The following SLC24A2 variants were observed in gnomAD, a reference collection of about 807,000 sequenced individuals.
SLC24A2 encodes sodium/potassium/calcium exchanger 2.
A neutral mutation model predicts 62.0 loss-of-function variants in SLC24A2; 36 were observed. The observed-to-expected ratio is 0.58, with a 90% confidence interval of 0.44 to 0.77. The LOEUF is 0.77. SLC24A2 is among the 30% of genes least tolerant of loss of function. The pLI, the probability that SLC24A2 is intolerant of heterozygous loss-of-function variation, is 0.00. For synonymous variants in SLC24A2, 358 were observed against 294.0 expected (o/e 1.22, Z -2.23); for missense variants, 846 against 817.9 (o/e 1.03, Z -0.42).
At chr9:19,769,665 C>G (rs113141531) in intron 2 of SLC24A2, among the ~76,000 whole-genome samples, 40 of 152,322 alleles carry the variant, frequency 2.6e-4, no homozygotes, top group African/African-American at 7.9e-4. Flanking sequence ...ATCAGCAGGG[C>G]TGCATCCTAC....
the SLC24A2 span, among the ~76,000 whole-genome samples, chr9:20,006,994 A>G: frequency 1.3e-5 from 2 of 152,178 alleles, no homozygotes; most frequent in African/African-American, 4.8e-5. Flanking sequence ...TATTTTTACT[A>G]CATCACTGTT....
the SLC24A2 span, among the ~76,000 whole-genome samples, chr9:20,239,900 G>C: frequency 2.0e-5 from 3 of 149,020 alleles, no homozygotes; most frequent in Non-Finnish European, 4.4e-5. Flanking sequence ...TTGTCACGGA[G>C]TTGATTCGAA....
chr9:20,174,212 G>C, the SLC24A2 span, among the ~76,000 whole-genome samples: 1 of 151,934 alleles, frequency 6.6e-6, no homozygotes. Context: ...GACGGATTAA[G>C]GACTTAAATC....
the SLC24A2 span, among the ~76,000 whole-genome samples, chr9:19,866,624 A>AC: frequency 9.4e-6 from 1 of 106,044 alleles, no homozygotes. Flanking sequence ...TCACGTTTTC[A>AC]CTTTTTTTTT....
the SLC24A2 span, among the ~76,000 whole-genome samples, chr9:19,988,110 G>A: frequency 2.2e-3 from 329 of 152,272 alleles, no homozygotes; most frequent in Middle Eastern, 0.01. Context: ...TGAACTGCAG[G>A]TATGCATAGG....
intron 2 of SLC24A2, among the ~76,000 whole-genome samples, chr9:19,694,665 T>C (rs1820134019): frequency 6.6e-6 from 1 of 152,178 alleles, no homozygotes; most frequent in African/African-American, 2.4e-5. Flanking sequence ...GAATTTATCA[T>C]AAAGAGTTCA....
chr9:19,823,205 T>A, the SLC24A2 span, among the ~76,000 whole-genome samples: 7 of 152,102 alleles, frequency 4.6e-5, no homozygotes, highest in Admixed American at 1.3e-4. Context: ...CTATATGTTT[T>A]TTATTTTTAC....
intron 2 of SLC24A2, among the ~76,000 whole-genome samples, chr9:19,783,109 G>A (rs1823062082): frequency 6.6e-6 from 1 of 152,180 alleles, no homozygotes; most frequent in Admixed American, 6.5e-5. Context: ...ATGCTTCACA[G>A]TTACCCTATG....
At chr9:20,039,621 T>G in the SLC24A2 span, among the ~76,000 whole-genome samples, 1 of 152,128 alleles carries the variant, frequency 6.6e-6, no homozygotes, top group African/African-American at 2.4e-5. Flanking sequence ...GGGACATGTT[T>G]CCACTCCCCA....
At chr9:20,026,192 A>T in the SLC24A2 span, among the ~76,000 whole-genome samples, 1 of 152,010 alleles carries the variant, frequency 6.6e-6, no homozygotes, top group Non-Finnish European at 1.5e-5. Flanking sequence ...GATTATAATT[A>T]AATGAATTAA....
chr9:19,914,673 G>A, the SLC24A2 span, among the ~76,000 whole-genome samples: 1 of 152,046 alleles, frequency 6.6e-6, no homozygotes, highest in Non-Finnish European at 1.5e-5. Context: ...AAGAGATTAC[G>A]ATAATAATCC....
At chr9:19,573,244 G>A in intron 7 of SLC24A2, 107 bp downstream of exon 7, 1 of 781,698 alleles carries the variant, frequency 1.3e-6, no homozygotes, top group Non-Finnish European at 2.3e-6. Flanking sequence ...CCTGATTCCT[G>A]CCCAGCTGAG....
At chr9:19,901,501 TG>T in the SLC24A2 span, among the ~76,000 whole-genome samples, 2 of 152,104 alleles carry the variant, frequency 1.3e-5, no homozygotes, top group Admixed American at 6.5e-5. Flanking sequence ...GAGGAGGGGT[TG>T]GGGCAGGAGC....
At chr9:19,856,082 A>G in the SLC24A2 span, among the ~76,000 whole-genome samples, 5 of 152,132 alleles carry the variant, frequency 3.3e-5, no homozygotes, top group Non-Finnish European at 7.3e-5. Flanking sequence ...GTGGCTATCA[A>G]TACTTGTGGT....
chr9:20,009,738 G>T, the SLC24A2 span, among the ~76,000 whole-genome samples: 1 of 152,152 alleles, frequency 6.6e-6, no homozygotes, highest in Non-Finnish European at 1.5e-5. Flanking sequence ...CAAGTCAGGA[G>T]GCAACCGGCA....
the SLC24A2 span, among the ~76,000 whole-genome samples, chr9:20,206,995 T>G: frequency 6.6e-6 from 1 of 152,260 alleles, no homozygotes; most frequent in South Asian, 2.1e-4. Context: ...ACTCCATATT[T>G]ACCCCCCTCA....
intron 2 of SLC24A2, among the ~76,000 whole-genome samples, chr9:19,772,321 A>G (rs1587303114): frequency 6.6e-6 from 1 of 152,278 alleles, no homozygotes; most frequent in South Asian, 2.1e-4. Context: ...TTTAGGGTTG[A>G]TCCAAGGGTC....
the SLC24A2 span, among the ~76,000 whole-genome samples, chr9:19,913,613 A>G: frequency 1.3e-5 from 2 of 152,166 alleles, no homozygotes; most frequent in African/African-American, 4.8e-5. Flanking sequence ...TGGCTGCCTG[A>G]GAATTTTCCA....
At chr9:19,943,441 T>C in the SLC24A2 span, among the ~76,000 whole-genome samples, 3 of 152,156 alleles carry the variant, frequency 2.0e-5, no homozygotes, top group Admixed American at 1.3e-4. Flanking sequence ...TTTATTTTCA[T>C]TATATTTCTT....
Sources: gnomAD v4.1 joint callset for allele counts (sites outside exome capture counted in the v4.1 genomes callset) on GRCh38, gnomAD v4.1.1 for gene constraint, MANE v1.5 for transcripts, NCBI Gene and HGNC (gene_info 2026-07-23, HGNC 2026-07-21) for gene names.